Variants in DPYD observed in about 807,000 individuals in gnomAD.
The protein encoded by DPYD is dihydropyrimidine dehydrogenase.
In DPYD, 109 loss-of-function variants were observed where a neutral mutation model predicts 116.2. The observed-to-expected ratio is 0.94, with a 90% CI of 0.80 to 1.10. The LOEUF is 1.10. DPYD is among the 50% of genes least tolerant of loss of function. DPYD has a pLI of 0.00. For synonymous variants in DPYD, 440 were observed against 432.0 expected, an observed-to-expected ratio of 1.02 and a Z score of -0.23; for missense variants, 1,302 against 1,254.5, an observed-to-expected ratio of 1.04 and a Z score of -0.57.
intron 16 of DPYD, among the ~76,000 whole-genome samples, chr1:97,322,391 C>T (rs546824636): frequency 6.6e-6 from 1 of 151,802 alleles, no homozygotes; most frequent in Non-Finnish European, 1.5e-5. Flanking sequence ...ACTGATATCC[C>T]TTTTTGAGGT....
At chr1:97,505,081 A>T (rs1197126948) in intron 13 of DPYD, among the ~76,000 whole-genome samples, 1 of 152,046 alleles carries the variant, frequency 6.6e-6, no homozygotes, top group African/African-American at 2.4e-5. Context: ...TGGTAAAATT[A>T]AGGTATAGAC....
intron 10 of DPYD, chr1:97,586,075 C>T (rs1427330038): frequency 1.1e-5 from 2 of 180,238 alleles, no homozygotes; most frequent in African/African-American, 4.7e-5. Context: ...GCAAAGTGGT[C>T]CAAGGTTACA....
At chr1:97,231,632 T>G (rs1010464681) in intron 19 of DPYD, among the ~76,000 whole-genome samples, 1 of 152,166 alleles carries the variant, frequency 6.6e-6, no homozygotes, top group Non-Finnish European at 1.5e-5. Flanking sequence ...ATATGGGGAT[T>G]ATTACAATTC....
intron 11 of DPYD, among the ~76,000 whole-genome samples, chr1:97,564,456 A>C (rs1052917690): frequency 6.6e-6 from 1 of 152,208 alleles, no homozygotes; most frequent in East Asian, 1.9e-4. Context: ...TAATTAAATC[A>C]ATGAACAGCT....
At chr1:97,858,352 G>A (rs1022096799) in intron 2 of DPYD, among the ~76,000 whole-genome samples, 2 of 151,978 alleles carry the variant, frequency 1.3e-5, no homozygotes, top group Non-Finnish European at 2.9e-5. Context: ...CACAACAAGT[G>A]TCTTCAAAAT....
At chr1:97,913,875 C>T (rs1048422493) in intron 1 of DPYD, among the ~76,000 whole-genome samples, 1 of 151,872 alleles carries the variant, frequency 6.6e-6, no homozygotes, top group African/African-American at 2.4e-5. Flanking sequence ...AGTCAGGGCT[C>T]CATCCATGAT....
chr1:97,642,309 G>C (rs1262815427), intron 8 of DPYD, among the ~76,000 whole-genome samples: 1 of 152,090 alleles, frequency 6.6e-6, no homozygotes, highest in East Asian at 1.9e-4. Flanking sequence ...GAAGAACAAA[G>C]CTGGAGGCAT....
intron 8 of DPYD, among the ~76,000 whole-genome samples, chr1:97,667,172 G>A (rs1305387645): frequency 1.3e-5 from 2 of 152,100 alleles, no homozygotes; most frequent in Non-Finnish European, 2.9e-5. Context: ...GACAAATTTT[G>A]TAGACAACTC....
chr1:97,129,445 C>T (rs1049275035), intron 20 of DPYD, among the ~76,000 whole-genome samples: 9 of 152,100 alleles, frequency 5.9e-5, no homozygotes, highest in Non-Finnish European at 8.8e-5. Flanking sequence ...TCTTGGTCTT[C>T]CTTGTCACGA....
intron 16 of DPYD, among the ~76,000 whole-genome samples, chr1:97,360,501 ATTC>A (rs1670663040): frequency 6.6e-6 from 1 of 152,208 alleles, no homozygotes; most frequent in Non-Finnish European, 1.5e-5. Flanking sequence ...CAGAATATAC[ATTC>A]TTCTCAGCAC....
intron 6 of DPYD, among the ~76,000 whole-genome samples, chr1:97,696,720 T>G (rs936186471): frequency 3.3e-5 from 5 of 152,152 alleles, no homozygotes; most frequent in Non-Finnish European, 7.4e-5. Flanking sequence ...TGATGAAATA[T>G]ATCTATAACA....
chr1:97,500,879 A>G (rs1679538171), intron 13 of DPYD, among the ~76,000 whole-genome samples: 2 of 152,026 alleles, frequency 1.3e-5, no homozygotes, highest in African/African-American at 2.4e-5. Context: ...CAGTTTGCCA[A>G]TTATACAAGC....
chr1:97,305,720 A>G (rs1417934589), intron 17 of DPYD, among the ~76,000 whole-genome samples: 2 of 151,986 alleles, frequency 1.3e-5, no homozygotes, highest in South Asian at 2.1e-4. Flanking sequence ...TTTGTATTCA[A>G]CAGATATTTA....
rs532004123 is a variant in DPYD, at chr1:97,091,710, A to T, written c.2766+6779T>A. Reference sequence around the variant, plus strand: ...TGTGCTGTGTATAATACTTTCACACATATCTTTTCATTTAAAACAATGGAG... The same window carrying T: ...TGTGCTGTGTATAATACTTTCACACTTATCTTTTCATTTAAAACAATGGAG... On this transcript the variant is annotated intron_variant, in intron 21 of 22. Transcript: ENST00000370192. Among the ~76,000 whole-genome samples, 6 of 152,262 alleles carry T rather than the reference A, an allele frequency of 3.9e-5. No homozygotes were observed. In the South Asian group the frequency reaches 6.2e-4, roughly 16 times the overall value.
At chr1:97,173,151 CAT>C (rs1320984391) in intron 20 of DPYD, among the ~76,000 whole-genome samples, 7 of 151,418 alleles carry the variant, frequency 4.6e-5, no homozygotes, top group Admixed American at 4.6e-4. Flanking sequence ...TATATATACA[CAT>C]ATGTACGTAT....
At chr1:97,126,389 G>C (rs891154430) in intron 20 of DPYD, among the ~76,000 whole-genome samples, 4 of 151,946 alleles carry the variant, frequency 2.6e-5, no homozygotes, top group African/African-American at 9.7e-5. Flanking sequence ...TGCCTCCCTG[G>C]CCCCTTTCTC....
intron 4 of DPYD, among the ~76,000 whole-genome samples, chr1:97,734,322 C>A (rs1455498411): frequency 6.6e-6 from 1 of 152,038 alleles, no homozygotes; most frequent in Non-Finnish European, 1.5e-5. Flanking sequence ...GAAATGTCCT[C>A]CTTATTATAT....
chr1:97,805,930 G>A (rs114872459), intron 3 of DPYD, among the ~76,000 whole-genome samples: 31 of 151,904 alleles, frequency 2.0e-4, no homozygotes, highest in African/African-American at 7.5e-4. Flanking sequence ...AAATGAATGA[G>A]GGTTCAGGAG....
chr1:97,664,201 A>C (rs1315481348), intron 8 of DPYD, among the ~76,000 whole-genome samples: 1 of 152,150 alleles, frequency 6.6e-6, no homozygotes, highest in African/African-American at 2.4e-5. Context: ...TACTTTAAGC[A>C]CATGACTGTT....
Sources: allele counts gnomAD v4.1 joint callset (sites outside exome capture counted in the v4.1 genomes callset), GRCh38; gene constraint gnomAD v4.1.1; transcripts MANE v1.5; gene names NCBI Gene and HGNC (gene_info 2026-07-23, HGNC 2026-07-21).